BLNK: variants seen among roughly 807,000 people sequenced by gnomAD.
BLNK encodes B cell linker, also known as B-cell linker protein.
In BLNK, 29 loss-of-function variants were observed where a neutral mutation model predicts 73.5. That is an observed-to-expected ratio of 0.39 (90% CI 0.29 to 0.54). The LOEUF (loss-of-function observed/expected upper bound fraction) is 0.54, where lower values mean the gene tolerates loss of function less well. BLNK is among the 20% of genes least tolerant of loss of function. The pLI is 0.61. For missense variants in BLNK, 460 were observed against 562.8 expected (o/e 0.82, Z 1.85); for synonymous variants, 176 against 200.8 (o/e 0.88, Z 1.04).
At chr10:96,246,050 T>C (rs1843032879) in intron 2 of BLNK, among the ~76,000 whole-genome samples, 1 of 152,132 alleles carries the variant, frequency 6.6e-6, no homozygotes, top group South Asian at 2.1e-4. Flanking sequence ...TGAAAGAGAC[T>C]TACCTACTAA....
intron 1 of BLNK, among the ~76,000 whole-genome samples, chr10:96,250,605 G>T (rs1843245080): frequency 6.6e-6 from 1 of 152,212 alleles, no homozygotes; most frequent in Non-Finnish European, 1.5e-5. Context: ...AAATGAGGCA[G>T]CAGTGAAGAA....
chr10:96,254,437 G>T (rs530862037), intron 1 of BLNK, among the ~76,000 whole-genome samples: 1 of 152,290 alleles, frequency 6.6e-6, no homozygotes, highest in Non-Finnish European at 1.5e-5. Context: ...AGGCAGCCTG[G>T]TGTCAGAGCA....
In BLNK at chr10:96,189,721, T is replaced by TCAC. The variant is rs2083299498; in HGVS notation, c.*2251_*2252insGTG. 4.2e-6 allele frequency: 3 copies of TCAC among 720,276 alleles called. No homozygotes were observed. Among genetic ancestry groups the TCAC allele is most frequent in the Non-Finnish European group, 7.7e-6 (3 of 392,018 alleles). The allele number at this position is 720,276 out of a possible 1,614,324, so 44.6% of individuals were successfully genotyped here. A position where few individuals can be genotyped will look rare whatever the true frequency, so the allele number is the denominator to read the frequency against. ...AAAATCATCATCATCATCATCATCA[T>TCAC]CATCATCATCATCTTCATCAGCAGC... is the stretch of plus-strand genomic sequence containing the variant. On this transcript the variant is annotated 3_prime_UTR_variant, in exon 17 of 17. Coordinates refer to ENST00000224337, the MANE Select transcript of BLNK (RefSeq NM_013314.4).
Position 96,200,205 on chromosome 10 carries a change from C to T in BLNK, c.1012-47G>A. ...TCAGCATGGGATGGTCCCTACTTAA[C>T]TCTAATTTCTGTGTACTAGAAACAA... On this transcript the variant is annotated intron_variant, in intron 14 of 16. Transcript: ENST00000224337. The surrounding 1 kb of genome is among the most constrained non-coding windows in gnomAD (Gnocchi z 4.3). 5 of 1,526,936 alleles carry T rather than the reference C, an allele frequency of 3.3e-6. No homozygotes were observed. The highest frequency in any genetic ancestry group is 2.7e-5 in the African/African-American group (2 of 73,356). The allele number at this position is 1,526,936 out of a possible 1,614,324, so 94.6% of individuals were successfully genotyped here. A position where few individuals can be genotyped will look rare whatever the true frequency, so the allele number is the denominator to read the frequency against.
rs781819518 is a variant in BLNK, at chr10:96,190,143, G to C, written c.*1830C>G. On this transcript the variant is annotated 3_prime_UTR_variant, in exon 17 of 17. Coordinates refer to ENST00000224337, the MANE Select transcript of BLNK (RefSeq NM_013314.4). ...TATCCACCTTAAAGTGATCATCTTT[G>C]TCGGCCTTTAGTTCACAACTGAAAA... 3.4e-5 allele frequency: 33 copies of C among 977,424 alleles called. No individual in the cohort carries two copies. The highest frequency in any genetic ancestry group is 4.9e-5 in the Non-Finnish European group (30 of 616,148). The allele number at this position is 977,424 out of a possible 1,614,324, so 60.5% of individuals were successfully genotyped here.
chr10:96,204,770 C>T (rs1179131731), intron 11 of BLNK, 154 bp from the exon 12 acceptor site: 9 of 684,136 alleles, frequency 1.3e-5, no homozygotes, highest in African/African-American at 1.1e-4. Context: ...GTGCACTTGC[C>T]AGTCTGTTGA....
intron 9 of BLNK, among the ~76,000 whole-genome samples, chr10:96,208,640 C>T (rs1397328117): frequency 2.0e-5 from 3 of 152,092 alleles, no homozygotes; most frequent in Admixed American, 6.5e-5. Context: ...GTTGTATGCT[C>T]CTTTTCTGTG....
intron 15 of BLNK, among the ~76,000 whole-genome samples, chr10:96,199,038 T>A (rs1272901767): frequency 1.3e-5 from 2 of 152,214 alleles, no homozygotes; most frequent in Non-Finnish European, 2.9e-5. Flanking sequence ...CAGGGAATAA[T>A]GTAAACACGA....
At chr10:96,231,231 C>T (rs1379778542) in intron 3 of BLNK, among the ~76,000 whole-genome samples, 3 of 152,128 alleles carry the variant, frequency 2.0e-5, no homozygotes, top group East Asian at 1.9e-4. Flanking sequence ...GTTCCGAATG[C>T]GTTGGAGTGT....
At chr10:96,210,480 A>G (rs1466702562) in intron 8 of BLNK, among the ~76,000 whole-genome samples, 1 of 152,282 alleles carries the variant, frequency 6.6e-6, no homozygotes, top group Admixed American at 6.5e-5. Flanking sequence ...GGTTTTCCTT[A>G]ATGGACAAAT....
intron 8 of BLNK, among the ~76,000 whole-genome samples, chr10:96,214,596 C>A (rs188405897): frequency 6.6e-6 from 1 of 152,018 alleles, no homozygotes; most frequent in African/African-American, 2.4e-5. Context: ...GGAGGCTCTA[C>A]GCATTGAGAA....
chr10:96,226,823 G>A (rs1183993165), intron 5 of BLNK, among the ~76,000 whole-genome samples: 3 of 151,508 alleles, frequency 2.0e-5, no homozygotes, highest in Non-Finnish European at 4.4e-5. Context: ...GTGACAGAGT[G>A]AGACTCTGTC....
intron 11 of BLNK, chr10:96,204,872 G>C: frequency 4.5e-6 from 2 of 440,850 alleles, no homozygotes; most frequent in Non-Finnish European, 8.5e-6. Flanking sequence ...AATGTACATA[G>C]AGACTGAACC....
At position 96,196,949 on chromosome 10, in the gene BLNK, T is replaced by A; in HGVS notation, c.1210A>T (p.Thr404Ser). 1 of 1,613,636 alleles carries A rather than the reference T, an allele frequency of 6.2e-7. No homozygotes were observed. Residue 404 changes from threonine (T) to serine (S), a missense_variant, in exon 16 of 17, where the codon ACA (threonine) becomes TCA (serine). Transcript: ENST00000224337. Reference sequence around the variant, plus strand: ...TTTCTGCCCAAGGCATATTGTTTTGTTGCTTCAATAAATCGCACAGGAATA... The same window carrying A: ...TTTCTGCCCAAGGCATATTGTTTTGATGCTTCAATAAATCGCACAGGAATA... ...YNIPVRFIEATKQYALGRKKN... is the reference protein window; with the variant it reads ...YNIPVRFIEASKQYALGRKKN...
At chr10:96,259,563 T>C (rs1250348872) in intron 1 of BLNK, among the ~76,000 whole-genome samples, 1 of 151,932 alleles carries the variant, frequency 6.6e-6, no homozygotes, top group Non-Finnish European at 1.5e-5. Context: ...GTGGAGGGGC[T>C]GTGTTCCCTT....
At chr10:96,222,465 C>A (rs1554901370) in intron 6 of BLNK, among the ~76,000 whole-genome samples, 1 of 152,160 alleles carries the variant, frequency 6.6e-6, no homozygotes, top group African/African-American at 2.4e-5. Flanking sequence ...TTATCAGTTA[C>A]TACGACAGCT....
At chr10:96,195,736 A>G (rs2083448857) in intron 16 of BLNK, among the ~76,000 whole-genome samples, 1 of 152,238 alleles carries the variant, frequency 6.6e-6, no homozygotes, top group African/African-American at 2.4e-5. Flanking sequence ...TTTCACAACA[A>G]TGTAAATATA....
chr10:96,243,323 T>A (rs1554906768), intron 2 of BLNK, among the ~76,000 whole-genome samples: 1 of 152,090 alleles, frequency 6.6e-6, no homozygotes, highest in Non-Finnish European at 1.5e-5. Flanking sequence ...GGCAGGAGGA[T>A]CACTTGTGCC....
intron 1 of BLNK, among the ~76,000 whole-genome samples, chr10:96,261,554 C>A (rs966935742): frequency 6.6e-6 from 1 of 152,136 alleles, no homozygotes; most frequent in East Asian, 1.9e-4. Context: ...CATCTAAGAT[C>A]GGTTTGGCAA....
Sources: allele counts gnomAD v4.1 joint callset (sites outside exome capture counted in the v4.1 genomes callset), GRCh38; gene constraint gnomAD v4.1.1; non-coding constraint Gnocchi (gnomAD v3.1); transcripts MANE v1.5; gene names NCBI Gene and HGNC (gene_info 2026-07-23, HGNC 2026-07-21).